WAPL: variants seen among roughly 807,000 people sequenced by gnomAD.
WAPL encodes wings apart-like protein homolog.
WAPL carries 5 observed loss-of-function variants against 121.0 expected under a neutral mutation model. The observed-to-expected ratio is 0.04, with a 90% confidence interval of 0.02 to 0.09. WAPL has a LOEUF of 0.09. WAPL is among the 10% of genes least tolerant of loss of function. WAPL has a pLI of 1.00. For synonymous variants in WAPL, 480 were observed against 481.5 expected, an observed-to-expected ratio of 1.00 and a Z score of 0.04; for missense variants, 999 against 1,410.8, an observed-to-expected ratio of 0.71 and a Z score of 4.68.
Position 86,446,266 on chromosome 10 carries a change from C to T in WAPL, c.3298G>A (p.Asp1100Asn). Residue 1100 changes from aspartate to asparagine, a missense_variant, in exon 16 of 19, where the codon GAT becomes AAT. Physicochemically the swap from Asp to Asn is conservative, Grantham distance 23. Transcript: ENST00000298767. ...CCTTTATTGAGGTCAAGTTCTTCAT[C>T]CTCCTCCTCCTTCTTATGTTTCTCT... Reference protein sequence around the residue: ...TEEKHKKEEEDEELDLNKALQ... With the variant: ...TEEKHKKEEENEELDLNKALQ... 1.2e-6 allele frequency: 2 copies of T among 1,612,334 alleles called. No homozygotes were observed. Among genetic ancestry groups the T allele is most frequent in the Non-Finnish European group, 1.7e-6 (2 of 1,178,632 alleles).
At position 86,491,532 on chromosome 10, in the gene WAPL, A is replaced by G. The variant is rs1333239435; in HGVS notation, c.1644+5669T>C. On this transcript the variant is annotated intron_variant, in intron 4 of 18. Coordinates refer to ENST00000298767, the MANE Select transcript of WAPL (RefSeq NM_015045.5). ...AGCACTCAGATCTTGGTTTCTAAGT[A>G]CTAATGTCCACAAAAAGAACCAAGG... 3.3e-4 allele frequency among the ~76,000 whole-genome samples: 50 copies of G among 152,158 alleles called. 1 individual carries two copies. The highest frequency in any genetic ancestry group is 4.4e-5 in the Non-Finnish European group (3 of 68,026).
chr10:86,474,915 G>A (rs1436491652), intron 4 of WAPL, among the ~76,000 whole-genome samples: 2 of 152,076 alleles, frequency 1.3e-5, no homozygotes, highest in Non-Finnish European at 1.5e-5. Context: ...CCACTCAAGA[G>A]TTCTCAAATT....
At chr10:86,459,239 T>A (rs1198229592) in intron 11 of WAPL, among the ~76,000 whole-genome samples, 174 bp from the exon 12 acceptor site, 1 of 152,202 alleles carries the variant, frequency 6.6e-6, no homozygotes, top group Non-Finnish European at 1.5e-5. Flanking sequence ...AGAAAGCTAA[T>A]GCTTTATGAA....
chr10:86,457,281 C>T (rs1274784046), intron 12 of WAPL, among the ~76,000 whole-genome samples: 1 of 136,976 alleles, frequency 7.3e-6, no homozygotes, highest in South Asian at 2.2e-4. Context: ...CTTAAGCCCA[C>T]GAGTTTGAGA....
chr10:86,487,673 G>A lies in WAPL; in HGVS notation c.1644+9528C>T, dbSNP rs966814308. Among the ~76,000 whole-genome samples the A allele has an allele frequency of 3.9e-5, 6 of 152,216 alleles. No individual in the cohort carries two copies. In the South Asian group the frequency reaches 8.3e-4, roughly 21 times the overall value. ...TAGGAGGCCGAGGCGGGTGGATCACGAGGTCAGGAGAGCAAGACCATCCTG... is the reference window on the plus strand; with the variant it reads ...TAGGAGGCCGAGGCGGGTGGATCACAAGGTCAGGAGAGCAAGACCATCCTG... On this transcript the variant is annotated intron_variant, in intron 4 of 18. Coordinates refer to ENST00000298767, the MANE Select transcript of WAPL (RefSeq NM_015045.5).
chr10:86,485,843 T>C (rs1841918669), intron 4 of WAPL, among the ~76,000 whole-genome samples: 1 of 152,238 alleles, frequency 6.6e-6, no homozygotes, highest in South Asian at 2.1e-4. Flanking sequence ...ACTCTTCTTA[T>C]TCATTTTTGT....
At chr10:86,487,834 G>A (rs565008968) in intron 4 of WAPL, among the ~76,000 whole-genome samples, 3 of 152,294 alleles carry the variant, frequency 2.0e-5, no homozygotes, top group African/African-American at 7.2e-5. Flanking sequence ...GGCGGAGCTT[G>A]CAGTGAGCTG....
intron 4 of WAPL, among the ~76,000 whole-genome samples, chr10:86,485,200 A>G (rs1841902106): frequency 6.6e-6 from 1 of 151,978 alleles, no homozygotes; most frequent in Admixed American, 6.6e-5. Flanking sequence ...CTGGGAAATA[A>G]GAGTAAAATA....
intron 8 of WAPL, among the ~76,000 whole-genome samples, chr10:86,467,849 TG>T (rs2132188612): frequency 6.6e-6 from 1 of 151,942 alleles, no homozygotes; most frequent in South Asian, 2.1e-4. Flanking sequence ...GCTTATTTTT[TG>T]TATTTTTTTA....
At chr10:86,470,803 CGTTTTCAT>C (rs1841518109) in intron 8 of WAPL, among the ~76,000 whole-genome samples, 181 bp downstream of exon 8, 1 of 152,096 alleles carries the variant, frequency 6.6e-6, no homozygotes. Context: ...AATGTTTTCA[CGTTTTCAT>C]GATAAAATAA....
chr10:86,437,810 TAAAAG>T, intron 18 of WAPL, 105 bp downstream of exon 18: 1 of 1,010,942 alleles, frequency 9.9e-7, no homozygotes, highest in Non-Finnish European at 1.5e-6. Context: ...TTATTAAAAT[TAAAAG>T]AAAATCCCTT....
chr10:86,460,442 G>T lies in WAPL; in HGVS notation c.2537C>A (p.Ala846Asp), dbSNP rs1368899429. 6.2e-7 allele frequency: 1 copy of T among 1,613,570 alleles called. No homozygotes were observed. Among genetic ancestry groups the T allele is most frequent in the African/African-American group, 1.3e-5 (1 of 74,880 alleles). ...SRDEDEEKLV[A>D]SLWGAERCLR... ...ACATCTCTCTGCTCCCCATAGTGAG[G>T]CTACCAGTTTCTCTTCATCCTCATC... The change falls in exon 11 of 19, where the codon GCC becomes GAC. Residue 846 changes from alanine (A) to aspartate (D), a missense_variant. Around this residue, in one of 7 missense-constraint regions of WAPL, gnomAD observed 118 missense variants for 318.3 expected, o/e 0.37. Transcript: ENST00000298767.
At chr10:86,506,254 A>C (rs992097041) in intron 2 of WAPL, among the ~76,000 whole-genome samples, 1 of 152,120 alleles carries the variant, frequency 6.6e-6, no homozygotes. Context: ...ACAAACAAAC[A>C]AACAAACAAA....
chr10:86,514,849 CAA>C (rs1287278223), intron 2 of WAPL, among the ~76,000 whole-genome samples: 1 of 152,226 alleles, frequency 6.6e-6, no homozygotes, highest in Non-Finnish European at 1.5e-5. Context: ...CCCCATTCCT[CAA>C]AAGACCATAC....
rs201263187 is a variant in WAPL, at chr10:86,510,088, T to G, written c.499+7483A>C. Among the ~76,000 whole-genome samples, 29 of 144,278 alleles carry G rather than the reference T, an allele frequency of 2.0e-4. No individual in the cohort carries two copies. In the East Asian group the frequency reaches 5.7e-3, roughly 29 times the overall value. The allele number at this position is 144,278 out of a possible 152,430, so 94.7% of individuals were successfully genotyped here. Reference sequence around the variant, plus strand: ...CCGGCCTTTTTTTTTTTTTTTTTTTTTTTTGAGACAGAGTCTCGTTCTGTT... The same window carrying G: ...CCGGCCTTTTTTTTTTTTTTTTTTTGTTTTGAGACAGAGTCTCGTTCTGTT... On this transcript the variant is annotated intron_variant, in intron 2 of 18. Coordinates refer to ENST00000298767, the MANE Select transcript of WAPL (RefSeq NM_015045.5).
chr10:86,467,233 T>C, intron 9 of WAPL, 46 bp downstream of exon 9: 2 of 1,565,922 alleles, frequency 1.3e-6, no homozygotes, highest in Non-Finnish European at 1.8e-6. Context: ...ACCAAAGACT[T>C]TCTGAAAGTA....
intron 8 of WAPL, among the ~76,000 whole-genome samples, chr10:86,469,446 G>A (rs1841483820): frequency 6.6e-6 from 1 of 151,550 alleles, no homozygotes. Context: ...TAGAGATGGG[G>A]TTTCACCATG....
intron 1 of WAPL, among the ~76,000 whole-genome samples, chr10:86,519,154 CAGTAAATCA>C (rs143189267): frequency 0.026 from 4,022 of 151,956 alleles, 66 homozygotes; most frequent in Non-Finnish European, 0.04. Flanking sequence ...ATCTTTAGGG[CAGTAAATCA>C]AGAGTCAAAC....
chr10:86,460,363 C>T (rs776451599), intron 11 of WAPL, 36 bp downstream of exon 11: 7 of 1,535,588 alleles, frequency 4.6e-6, no homozygotes, highest in Middle Eastern at 1.7e-4. Flanking sequence ...ACAATTAAGA[C>T]TGAATAATTT....
Sources: gnomAD v4.1 joint callset for allele counts (sites outside exome capture counted in the v4.1 genomes callset) on GRCh38, gnomAD v4.1.1 for gene constraint, gnomAD v4.1.1 regional missense constraint, MANE v1.5 for transcripts, NCBI Gene and HGNC (gene_info 2026-07-23, HGNC 2026-07-21) for gene names.